Variants in ALS2 observed in about 807,000 individuals in gnomAD.
ALS2 encodes the protein alsin.
ALS2 carries 117 observed loss-of-function variants against 203.4 expected under a neutral mutation model. That is an observed-to-expected ratio of 0.58 (90% CI 0.50 to 0.67). ALS2 has a LOEUF of 0.67. Ranked by LOEUF, ALS2 falls within the 30% of genes least tolerant of loss-of-function variation. The probability of loss-of-function intolerance (pLI) is 0.00; values close to 1 mark genes in which losing one functional copy is unlikely to be tolerated. For missense variants in ALS2, 1,715 were observed against 1,989.4 expected, an observed-to-expected ratio of 0.86 and a Z score of 2.62; for synonymous variants, 718 against 725.9, an observed-to-expected ratio of 0.99 and a Z score of 0.17.
chr2:201,742,631 G>A (rs558809566), intron 10 of ALS2, among the ~76,000 whole-genome samples: 1 of 152,062 alleles, frequency 6.6e-6, no homozygotes, highest in African/African-American at 2.4e-5. Context: ...CTAGAGGAGG[G>A]GAATTTATAG....
intron 13 of ALS2, among the ~76,000 whole-genome samples, chr2:201,732,409 A>AG (rs1691625869): frequency 6.6e-6 from 1 of 151,436 alleles, no homozygotes; most frequent in Admixed American, 6.6e-5. Flanking sequence ...CAAAAAAAAA[A>AG]AAAAAAAAAA....
chr2:201,729,294 T>C (rs1691393630), intron 13 of ALS2, 111 bp from the exon 14 acceptor site: 1 of 1,273,534 alleles, frequency 7.9e-7, no homozygotes, highest in African/African-American at 1.5e-5. Flanking sequence ...AGGAGAAAAT[T>C]CAGCCCACGA....
chr2:201,759,398 G>A, intron 4 of ALS2: 2 of 955,514 alleles, frequency 2.1e-6, no homozygotes, highest in Non-Finnish European at 2.5e-6. Flanking sequence ...TGAATTAGCT[G>A]TATGATTGAG....
Position 201,723,436 on chromosome 2 carries a change from T to TC in ALS2, c.3517dup (p.Glu1173GlyfsTer10), listed in dbSNP as rs1317051984. 3 of 1,611,494 alleles carry TC rather than the reference T, an allele frequency of 1.9e-6. No individual in the cohort carries two copies. The highest frequency in any genetic ancestry group is 2.5e-6 in the Non-Finnish European group (3 of 1,178,044). On this transcript the variant is annotated frameshift_variant, in exon 22 of 34. Coordinates refer to ENST00000264276, the MANE Select transcript of ALS2 (RefSeq NM_020919.4). LOFTEE classifies it high-confidence loss of function. Reference sequence around the variant, plus strand: ...ATCTTGCCACATTCCCATATACTTTTCCCCCCTGCACAGAAATAAAAAGAA... The same window carrying TC: ...ATCTTGCCACATTCCCATATACTTTTCCCCCCCTGCACAGAAATAAAAAGAA...
At chr2:201,744,557 T>C (rs1228313637) in intron 9 of ALS2, 128 bp from the exon 10 acceptor site, 1 of 991,538 alleles carries the variant, frequency 1.0e-6, no homozygotes, top group Non-Finnish European at 1.5e-6. Flanking sequence ...TGCAAGCAAG[T>C]AATTAAACCA....
At chr2:201,775,927 C>G (rs549002098) in intron 1 of ALS2, among the ~76,000 whole-genome samples, 1 of 152,088 alleles carries the variant, frequency 6.6e-6, no homozygotes, top group Admixed American at 6.6e-5. Context: ...ACTTATTCAC[C>G]GGTATACTCT....
rs369961586 is a variant in ALS2, at chr2:201,761,616, G to C, written c.378C>G (p.Ala126=). 5.6e-6 allele frequency: 9 copies of C among 1,614,052 alleles called. No individual in the cohort carries two copies. The highest frequency in any genetic ancestry group is 7.6e-6 in the Non-Finnish European group (9 of 1,180,046). The part of the protein sequence containing the change: ...GENSAGQCAV[A]NQQYVPEPNP... ...TTGGTTCCGGCACATACTGCTGGTT[G>C]GCTACTGCACACTGGCCAGCAGAAT... is the stretch of plus-strand genomic sequence containing the variant. The change falls in exon 4 of 34, where the codon GCC becomes GCG. Residue 126 remains alanine, a synonymous_variant. Transcript: ENST00000264276.
chr2:201,716,313 G>C (rs1307588993), intron 24 of ALS2, among the ~76,000 whole-genome samples: 1 of 152,174 alleles, frequency 6.6e-6, no homozygotes, highest in Non-Finnish European at 1.5e-5. Context: ...GGAGGCCAAA[G>C]AGGGTGGATC....
At position 201,718,151 on chromosome 2, in the gene ALS2, T is replaced by C; in HGVS notation, c.3762A>G (p.Gly1254=). Residue 1254 remains glycine, a synonymous_variant, in exon 24 of 34, where the codon GGA becomes GGG. Coordinates refer to ENST00000264276, the MANE Select transcript of ALS2 (RefSeq NM_020919.4). ...AGGTTCCAGTGATTTTTATCCCAGA[T>C]CCCCATTCTCCACTAAAATAACCTT... ...YIEGYFSGEW[G]SGIKITGTYF... 1.2e-6 allele frequency: 2 copies of C among 1,613,558 alleles called. No homozygotes were observed. Among genetic ancestry groups the C allele is most frequent in the East Asian group, 2.2e-5 (1 of 44,842 alleles).
At chr2:201,735,523 A>C (rs1443311400) in intron 12 of ALS2, among the ~76,000 whole-genome samples, 2 of 152,240 alleles carry the variant, frequency 1.3e-5, no homozygotes, top group Non-Finnish European at 2.9e-5. Context: ...TGGGCAGCCT[A>C]GCTGTGCTTT....
chr2:201,776,575 T>C (rs1037188355), intron 1 of ALS2, among the ~76,000 whole-genome samples: 1 of 152,202 alleles, frequency 6.6e-6, no homozygotes, highest in Non-Finnish European at 1.5e-5. Context: ...TGTTATTACA[T>C]GGTACAGTGA....
Position 201,757,417 on chromosome 2 carries a change from CAGGGAGGGAG to C in ALS2, c.1446_1455del (p.Ser483AspfsTer11). ...ATTTCCTTACCTTGTGACAACAATC[CAGGGAGGGAG>C]AGTCTTCGACTGCCTCCCTCTGTTT... On this transcript the variant is annotated frameshift_variant, in exon 5 of 34. Coordinates refer to ENST00000264276, the MANE Select transcript of ALS2 (RefSeq NM_020919.4). LOFTEE classifies it high-confidence loss of function. The C allele has an allele frequency of 6.2e-7, 1 of 1,613,830 alleles. No individual in the cohort carries two copies.
At chr2:201,753,649 A>C (rs1693209092) in intron 6 of ALS2, among the ~76,000 whole-genome samples, 1 of 152,214 alleles carries the variant, frequency 6.6e-6, no homozygotes, top group African/African-American at 2.4e-5. Flanking sequence ...TTACTCACTT[A>C]AAAACTTCCC....
Position 201,761,098 on chromosome 2 carries a change from TG to T in ALS2, c.895del (p.Gln299SerfsTer7). ...VFENTLVAND[Q>X]SVATELNAVS... ...TGCATTCAGTTCAGTAGCAACAGAC[TG>T]ATCATTTGCTACAAGAGTGTTCTCA... is the stretch of plus-strand genomic sequence containing the variant. On this transcript the variant is annotated frameshift_variant, in exon 4 of 34. Transcript: ENST00000264276. LOFTEE classifies it high-confidence loss of function. 1 of 1,614,120 alleles carries T rather than the reference TG, an allele frequency of 6.2e-7. No homozygotes were observed. The highest frequency in any genetic ancestry group is 2.2e-5 in the East Asian group (1 of 44,892).
Position 201,733,278 on chromosome 2 carries a change from C to T in ALS2, c.2578G>A (p.Val860Met), listed in dbSNP as rs893521423. Residue 860 changes from valine to methionine, a missense_variant and splice_region_variant, in exon 13 of 34, where the codon GTG becomes ATG. Around this residue, in one of 3 missense-constraint regions of ALS2, gnomAD observed 1,227 missense variants for 1,413.5 expected, o/e 0.87. Coordinates refer to ENST00000264276, the MANE Select transcript of ALS2 (RefSeq NM_020919.4). Reference protein sequence around the residue: ...VLLKLATCFEVASPEYQKLQD... With the variant: ...VLLKLATCFEMASPEYQKLQD... The stretch of plus-strand genomic sequence containing the variant: ...AAGAGGTATACATGGGAGCTTACCA[C>T]TTCAAAACAAGTAGCAAGCTTTAGC... 6.2e-7 allele frequency: 1 copy of T among 1,613,784 alleles called. No individual in the cohort carries two copies. The highest frequency in any genetic ancestry group is 8.5e-7 in the Non-Finnish European group (1 of 1,179,842).
intron 24 of ALS2, chr2:201,716,492 T>C (rs6712742): frequency 0.98 from 144,044 of 146,918 alleles, 70,672 homozygotes; most frequent in Middle Eastern, 1. Context: ...TGCAGTGAGC[T>C]GAGATCACAC....
chr2:201,760,067 A>C (rs1693662162), intron 4 of ALS2: 2 of 934,402 alleles, frequency 2.1e-6, no homozygotes, highest in Non-Finnish European at 2.6e-6. Context: ...TCATGCCTGT[A>C]ATCTCAACAC....
At chr2:201,779,573 T>C (rs1291586706) in intron 1 of ALS2, among the ~76,000 whole-genome samples, 3 of 152,192 alleles carry the variant, frequency 2.0e-5, no homozygotes, top group Non-Finnish European at 2.9e-5. Flanking sequence ...TGGATCATGA[T>C]GTAGTGGGAG....
At chr2:201,711,237 G>A (rs1324525705) in intron 25 of ALS2, 129 bp from the exon 26 acceptor site, 1 of 666,928 alleles carries the variant, frequency 1.5e-6, no homozygotes, top group African/African-American at 1.8e-5. Flanking sequence ...TAAACCCAAC[G>A]AACTCAGAAA....
Sources: allele counts gnomAD v4.1 joint callset (sites outside exome capture counted in the v4.1 genomes callset), GRCh38; gene constraint gnomAD v4.1.1; regional missense constraint gnomAD v4.1.1; transcripts MANE v1.5; gene names NCBI Gene and HGNC (gene_info 2026-07-23, HGNC 2026-07-21).